The following MGAT4D variants were observed in gnomAD, a reference collection of about 807,000 sequenced individuals.
MGAT4D encodes MGAT4 family member D, also known as alpha-1,3-mannosyl-glycoprotein 4-beta-N-acetylglucosaminyltransferase-like protein MGAT4D.
In MGAT4D, 34 loss-of-function variants were observed where a neutral mutation model predicts 15.9. The ratio of observed to expected loss-of-function variants is 2.14; its 90% CI spans 1.62 to 2.84. The LOEUF is 2.84. MGAT4D is among the 30% of genes most tolerant of loss of function. The pLI, the probability that MGAT4D is intolerant of heterozygous loss-of-function variation, is 0.00. For synonymous variants in MGAT4D, 112 were observed against 48.2 expected (o/e 2.33, Z -5.49); for missense variants, 327 against 140.2 (o/e 2.33, Z -6.73).
intron 5 of MGAT4D, among the ~76,000 whole-genome samples, chr4:140,465,576 A>G (rs928069169): frequency 1.3e-5 from 2 of 152,216 alleles, no homozygotes; most frequent in African/African-American, 4.8e-5. Flanking sequence ...AAAAATTCCA[A>G]TATAAATCTT....
chr4:140,470,250 T>C (rs1430165396), intron 5 of MGAT4D, among the ~76,000 whole-genome samples: 1 of 152,240 alleles, frequency 6.6e-6, no homozygotes, highest in Non-Finnish European at 1.5e-5. Context: ...GTGCGGACAC[T>C]GACCGGCATA....
chr4:140,478,320 A>G lies in MGAT4D; in HGVS notation c.391+1170T>C, dbSNP rs149632024. The stretch of plus-strand genomic sequence containing the variant: ...CTTTCACTCTGTGTCATGGGCTTCC[A>G]CTTACATTTGCTGATGCTTATGCAA... On this transcript the variant is annotated intron_variant, in intron 3 of 10. Transcript: ENST00000511113. 2.0e-3 allele frequency among the ~76,000 whole-genome samples: 304 copies of G among 151,852 alleles called. 2 individuals are homozygous for G. Among genetic ancestry groups the G allele is most frequent in the African/African-American group, 6.9e-3 (288 of 41,448 alleles).
intron 6 of MGAT4D, among the ~76,000 whole-genome samples, chr4:140,463,397 C>G (rs1731322042): frequency 1.3e-5 from 2 of 151,886 alleles, no homozygotes; most frequent in African/African-American, 4.8e-5. Flanking sequence ...GAAGCCACTG[C>G]CAAAGGTGCG....
chr4:140,468,320 G>A (rs531927530), intron 5 of MGAT4D, among the ~76,000 whole-genome samples: 62 of 152,182 alleles, frequency 4.1e-4, no homozygotes, highest in African/African-American at 1.4e-3. Context: ...TAAAACCAGT[G>A]ACATTGTCTC....
chr4:140,450,170 A>C (rs1730383262), intron 10 of MGAT4D: 1 of 312,722 alleles, frequency 3.2e-6, no homozygotes, highest in Non-Finnish European at 5.8e-6. Flanking sequence ...TTGACATATT[A>C]TTAAATTGTT....
intron 4 of MGAT4D, among the ~76,000 whole-genome samples, chr4:140,472,462 A>C (rs950479571): frequency 1.3e-5 from 2 of 152,162 alleles, no homozygotes; most frequent in Non-Finnish European, 2.9e-5. Flanking sequence ...TCCAACACAA[A>C]ATTTTGAAAA....
chr4:140,472,303 A>G (rs746319898), intron 4 of MGAT4D, among the ~76,000 whole-genome samples: 3 of 152,186 alleles, frequency 2.0e-5, no homozygotes, highest in African/African-American at 4.8e-5. Flanking sequence ...TCCTGACAAT[A>G]AACTTTGTGG....
At chr4:140,474,212 T>A (rs1414423387) in intron 4 of MGAT4D, among the ~76,000 whole-genome samples, 1 of 152,176 alleles carries the variant, frequency 6.6e-6, no homozygotes, top group Non-Finnish European at 1.5e-5. Flanking sequence ...ATTAGAGAGA[T>A]CTAGGCTTGA....
intron 9 of MGAT4D, among the ~76,000 whole-genome samples, chr4:140,455,722 G>T (rs1458349081): frequency 6.6e-6 from 1 of 152,004 alleles, no homozygotes; most frequent in Non-Finnish European, 1.5e-5. Flanking sequence ...GTCAGTTTTT[G>T]CTTCATGTAT....
intron 1 of MGAT4D, among the ~76,000 whole-genome samples, chr4:140,491,201 C>T (rs1317418681): frequency 2.0e-5 from 3 of 152,172 alleles, no homozygotes; most frequent in East Asian, 1.9e-4. Flanking sequence ...CTTACAGCTG[C>T]GTCTGAGAAC....
chr4:140,488,267 G>C (rs1359920200), intron 1 of MGAT4D, among the ~76,000 whole-genome samples: 1 of 152,164 alleles, frequency 6.6e-6, no homozygotes, highest in African/African-American at 2.4e-5. Context: ...AACACCTCCA[G>C]TAGCAAGAAG....
At chr4:140,452,588 G>T (rs532047356) in intron 9 of MGAT4D, among the ~76,000 whole-genome samples, 1 of 152,216 alleles carries the variant, frequency 6.6e-6, no homozygotes, top group African/African-American at 2.4e-5. Flanking sequence ...GATAGTGTCT[G>T]TTCAAATCTT....
At chr4:140,490,901 T>A (rs1211372485) in intron 1 of MGAT4D, among the ~76,000 whole-genome samples, 1 of 152,242 alleles carries the variant, frequency 6.6e-6, no homozygotes, top group Non-Finnish European at 1.5e-5. Context: ...TTTAATTTCT[T>A]TTTTGGGACA....
At chr4:140,446,999 T>C (rs1444369276) in intron 10 of MGAT4D, among the ~76,000 whole-genome samples, 1 of 152,008 alleles carries the variant, frequency 6.6e-6, no homozygotes. Flanking sequence ...TTAATTTCCA[T>C]GTAATTGTAT....
chr4:140,451,073 T>G (rs1232466795), intron 10 of MGAT4D, among the ~76,000 whole-genome samples: 1 of 152,228 alleles, frequency 6.6e-6, no homozygotes, highest in African/African-American at 2.4e-5. Context: ...ATTTTTGAAA[T>G]ATTCTAGTAT....
chr4:140,464,681 C>T (rs193248696), intron 6 of MGAT4D, among the ~76,000 whole-genome samples: 4 of 152,280 alleles, frequency 2.6e-5, no homozygotes, highest in South Asian at 2.1e-4. Flanking sequence ...TTGCCCATTT[C>T]CACGGTATAA....
intron 5 of MGAT4D, among the ~76,000 whole-genome samples, chr4:140,471,279 CTTCCTTCT>C (rs1337794887): frequency 7.7e-6 from 1 of 130,670 alleles, no homozygotes; most frequent in African/African-American, 3.0e-5. Flanking sequence ...TCCTTCCTTC[CTTCCTTCT>C]CTCTCTTTTC....
intron 1 of MGAT4D, 100 bp downstream of exon 1, chr4:140,498,029 C>T: frequency 1.8e-6 from 1 of 564,598 alleles, no homozygotes; most frequent in Non-Finnish European, 3.1e-6. Flanking sequence ...GCCAGCTTCC[C>T]GCATCGCCTC....
rs1016849711 is a variant in MGAT4D at position 140,497,999 on chromosome 4, T to A, written c.94+130A>T. On this transcript the variant is annotated intron_variant, in intron 1 of 10. Coordinates refer to ENST00000511113, the MANE Select transcript of MGAT4D (RefSeq NM_001277353.2). ...GAAGGCACCGACGCGGGCCTCCCAG[T>A]GCCAGCGCGGGCGGCCGCCGCCAGC... 7.4e-6 allele frequency: 4 copies of A among 542,402 alleles called. No homozygotes were observed. In the African/African-American group the frequency reaches 8.1e-5, roughly 11 times the overall value. 33.6% of individuals were successfully genotyped at this position (542,402 alleles called of 1,614,324 possible).
Sources: allele counts gnomAD v4.1 joint callset (sites outside exome capture counted in the v4.1 genomes callset), GRCh38; gene constraint gnomAD v4.1.1; transcripts MANE v1.5; gene names NCBI Gene and HGNC (gene_info 2026-07-23, HGNC 2026-07-21).